DACH2: variants seen among roughly 807,000 people sequenced by gnomAD.
DACH2 encodes dachshund family transcription factor 2.
In DACH2, 17 loss-of-function variants were observed where a neutral mutation model predicts 35.8. The observed-to-expected ratio is 0.48, with a 90% CI of 0.33 to 0.71. The LOEUF (loss-of-function observed/expected upper bound fraction) is 0.71. DACH2 is among the 30% of genes least tolerant of loss of function. The pLI, the probability that DACH2 is intolerant of heterozygous loss-of-function variation, is 0.02. For missense variants in DACH2, 469 were observed against 472.7 expected (o/e 0.99, Z 0.07); for synonymous variants, 195 against 177.3 (o/e 1.10, Z -0.79).
At chrX:86,641,770 A>G (rs1336058433) in intron 3 of DACH2, among the ~76,000 whole-genome samples, 1 of 112,149 alleles carries the variant, frequency 8.9e-6, no homozygotes, top group Non-Finnish European at 1.9e-5. Flanking sequence ...CTGAAATCCT[A>G]CAAGTCTTAA....
chrX:86,445,150 T>C (rs2037239351), intron 2 of DACH2, among the ~76,000 whole-genome samples: 1 of 110,467 alleles, frequency 9.1e-6, no homozygotes, highest in Non-Finnish European at 1.9e-5. Context: ...TTGAAGCAAT[T>C]GTATATTGCT....
intron 7 of DACH2, among the ~76,000 whole-genome samples, chrX:86,792,610 G>A (rs150451251): frequency 4.9e-3 from 547 of 111,372 alleles, no homozygotes; most frequent in Middle Eastern, 0.043. Flanking sequence ...CCACATATGG[G>A]TGATAGCATA....
intron 2 of DACH2, among the ~76,000 whole-genome samples, chrX:86,487,726 A>G (rs1387130996): frequency 3.6e-5 from 4 of 112,363 alleles, no homozygotes; most frequent in African/African-American, 1.3e-4. Flanking sequence ...TGTTTAATTA[A>G]TAAATGGTAT....
rs2034061939 is a variant in DACH2 at position 86,282,808 on chromosome X, C to T, written c.489-94016C>T. ...TTTTTTTTTTTTTGAGACGGAGTCT[C>T]GCTCTGTCGCCCAGGCTGGAGTGCA... On this transcript the variant is annotated intron_variant, in intron 1 of 11. Transcript: ENST00000373125. Among the ~76,000 whole-genome samples the T allele has an allele frequency of 1.2e-4, 2 of 16,225 alleles. 1 individual carries two copies. Among genetic ancestry groups the T allele is most frequent in the Non-Finnish European group, 1.8e-4 (2 of 11,389 alleles). 14.1% of individuals were successfully genotyped at this position (16,225 alleles called of 115,157 possible). A position where few individuals can be genotyped will look rare whatever the true frequency, so the allele number is the denominator to read the frequency against.
chrX:86,824,973 G>A (rs1235657561), intron 11 of DACH2, among the ~76,000 whole-genome samples: 2 of 111,666 alleles, frequency 1.8e-5, no homozygotes, highest in Non-Finnish European at 1.9e-5. Flanking sequence ...GTTTAAAATC[G>A]AGTATTATAG....
rs191332807 is a variant in DACH2 at position 86,423,459 on chromosome X, T to G, written c.527+46597T>G. Among the ~76,000 whole-genome samples the G allele has an allele frequency of 2.6e-4, 29 of 111,261 alleles. No homozygotes were observed. In the East Asian group the frequency reaches 3.7e-3, roughly 14 times the overall value. On this transcript the variant is annotated intron_variant, in intron 2 of 11. Transcript: ENST00000373125. Reference sequence around the variant, plus strand: ...CTTTTCATATGCCTGTTTGCCCTTTTTATGTCTTCTTTTGAGAAGTGTCTT... The same window carrying G: ...CTTTTCATATGCCTGTTTGCCCTTTGTATGTCTTCTTTTGAGAAGTGTCTT...
intron 9 of DACH2, 108 bp from the exon 10 acceptor site, chrX:86,814,580 T>C (rs1337135910): frequency 1.1e-5 from 9 of 812,218 alleles, no homozygotes; most frequent in Non-Finnish European, 1.2e-5. Context: ...AAGTGAAATA[T>C]TTCTATATCT....
chrX:86,585,863 G>A (rs551939759), intron 3 of DACH2, among the ~76,000 whole-genome samples: 28 of 111,349 alleles, frequency 2.5e-4, no homozygotes, highest in Non-Finnish European at 3.8e-4. Context: ...GAATAGTGCC[G>A]TAATGAATAT....
chrX:86,192,679 A>G (rs1430515924), intron 1 of DACH2, among the ~76,000 whole-genome samples: 1 of 112,485 alleles, frequency 8.9e-6, no homozygotes, highest in Non-Finnish European at 1.9e-5. Flanking sequence ...TCACTAATGT[A>G]TTTAGGATTA....
intron 7 of DACH2, among the ~76,000 whole-genome samples, chrX:86,763,991 A>T (rs145228420): frequency 1.3e-3 from 145 of 111,945 alleles, no homozygotes; most frequent in Non-Finnish European, 2.4e-3. Flanking sequence ...GGATATTCAG[A>T]AACTTTTTTG....
intron 1 of DACH2, among the ~76,000 whole-genome samples, chrX:86,157,571 A>G (rs2030591269): frequency 1.8e-5 from 2 of 111,254 alleles, no homozygotes; most frequent in African/African-American, 6.5e-5. Flanking sequence ...TAGGAAATTG[A>G]ATGGAAATTG....
At chrX:86,761,376 A>G (rs1297100098) in intron 7 of DACH2, among the ~76,000 whole-genome samples, 9 of 111,839 alleles carry the variant, frequency 8.0e-5, no homozygotes, top group Non-Finnish European at 1.1e-4. Flanking sequence ...ACATGAACTC[A>G]TTTTTTTAAG....
Position 86,444,326 on chromosome X carries a change from G to A in DACH2, c.527+67464G>A, listed in dbSNP as rs778265225. 3.6e-5 allele frequency among the ~76,000 whole-genome samples: 4 copies of A among 111,413 alleles called. No individual in the cohort carries two copies. In the South Asian group the frequency reaches 1.1e-3, roughly 31 times the overall value. On this transcript the variant is annotated intron_variant, in intron 2 of 11. Transcript: ENST00000373125. ...GCTGATCTCAAACTCCTGGTCTCAA[G>A]CAATCCTCCTGCCTTGGCCTCCCAA... is the stretch of plus-strand genomic sequence containing the variant.
intron 2 of DACH2, among the ~76,000 whole-genome samples, chrX:86,475,552 G>A (rs2037829100): frequency 8.9e-6 from 1 of 111,976 alleles, no homozygotes. Context: ...TGCAACTACT[G>A]GATTTGTTTA....
chrX:86,417,520 C>T (rs932139677), intron 2 of DACH2, among the ~76,000 whole-genome samples: 1 of 111,122 alleles, frequency 9.0e-6, no homozygotes, highest in East Asian at 2.8e-4. Context: ...AGAACTTGTG[C>T]CGGGAAACTC....
intron 4 of DACH2, among the ~76,000 whole-genome samples, chrX:86,683,468 C>A (rs972905376): frequency 1.8e-5 from 2 of 111,561 alleles, no homozygotes; most frequent in African/African-American, 6.5e-5. Context: ...CTGGAGTCCT[C>A]ATTTTCAGTG....
intron 7 of DACH2, among the ~76,000 whole-genome samples, chrX:86,765,985 A>G (rs919645480): frequency 1.8e-5 from 2 of 109,849 alleles, no homozygotes; most frequent in Non-Finnish European, 1.9e-5. Context: ...TGGTTAGAGT[A>G]CACCATTCTT....
intron 6 of DACH2, among the ~76,000 whole-genome samples, chrX:86,716,580 T>C (rs2041339074): frequency 1.8e-5 from 2 of 111,538 alleles, no homozygotes; most frequent in Admixed American, 9.6e-5. Flanking sequence ...ATTGTTATAC[T>C]GGCTTTGGAA....
chrX:86,267,745 A>C, intron 1 of DACH2, among the ~76,000 whole-genome samples: 1 of 112,286 alleles, frequency 8.9e-6, no homozygotes, highest in Non-Finnish European at 1.9e-5. Context: ...GACAAATAGA[A>C]ATTATTCATG....
Sources: allele counts gnomAD v4.1 joint callset (sites outside exome capture counted in the v4.1 genomes callset), GRCh38; gene constraint gnomAD v4.1.1; transcripts MANE v1.5; gene names NCBI Gene and HGNC (gene_info 2026-07-23, HGNC 2026-07-21).